The following NUMB variants were observed in gnomAD, a reference collection of about 807,000 sequenced individuals.
NUMB encodes NUMB endocytic adaptor protein, also known as protein numb homolog.
NUMB carries 29 observed loss-of-function variants against 59.7 expected under a neutral mutation model. The ratio of observed to expected loss-of-function variants is 0.49; its 90% CI spans 0.36 to 0.66. NUMB has a LOEUF of 0.66. Among genes scored for constraint, NUMB ranks in the 30% least tolerant of loss-of-function variants. The pLI, the probability that NUMB is intolerant of heterozygous loss-of-function variation, is 0.00. For synonymous variants in NUMB, 288 were observed against 288.2 expected, an observed-to-expected ratio of 1.00 and a Z score of 0.01; for missense variants, 723 against 822.0, an observed-to-expected ratio of 0.88 and a Z score of 1.47.
At chr14:73,427,765 C>T (rs777611405) in intron 1 of NUMB, among the ~76,000 whole-genome samples, 6 of 152,118 alleles carry the variant, frequency 3.9e-5, no homozygotes, top group Non-Finnish European at 7.3e-5. Context: ...TCTCTCACAT[C>T]CCTCGGTATT....
Position 73,276,394 on chromosome 14 carries a change from G to T in NUMB, c.*184C>A. 1.8e-6 allele frequency: 1 copy of T among 558,126 alleles called. No individual in the cohort carries two copies. The highest frequency in any genetic ancestry group is 3.1e-6 in the Non-Finnish European group (1 of 317,818). The allele number at this position is 558,126 out of a possible 1,614,324, so 34.6% of individuals were successfully genotyped here. ...TAATTGCAAGGCAGCTTTTCTCTAGGAATGCTTTTTCCCATGTCTTTCAAA... is the reference window on the plus strand; with the variant it reads ...TAATTGCAAGGCAGCTTTTCTCTAGTAATGCTTTTTCCCATGTCTTTCAAA... On this transcript the variant is annotated 3_prime_UTR_variant, in exon 13 of 13. Coordinates refer to ENST00000555238, the MANE Select transcript of NUMB (RefSeq NM_001005743.2).
chr14:73,440,642 G>A (rs887952028), intron 1 of NUMB, among the ~76,000 whole-genome samples: 1 of 151,272 alleles, frequency 6.6e-6, no homozygotes, highest in Non-Finnish European at 1.5e-5. Flanking sequence ...TCAGGAGATC[G>A]AGACCATCGA....
At chr14:73,350,860 T>C (rs866262177) in intron 4 of NUMB, among the ~76,000 whole-genome samples, 3 of 152,186 alleles carry the variant, frequency 2.0e-5, no homozygotes, top group Non-Finnish European at 4.4e-5. Flanking sequence ...GATCAATTTA[T>C]TTCATTTCTC....
At chr14:73,372,238 A>G (rs979547646) in intron 2 of NUMB, among the ~76,000 whole-genome samples, 7 of 149,320 alleles carry the variant, frequency 4.7e-5, no homozygotes, top group Non-Finnish European at 1.0e-4. Flanking sequence ...ATCTCAAAAA[A>G]AAAGAGGTGA....
chr14:73,287,951 C>A (rs1889126056), intron 8 of NUMB, among the ~76,000 whole-genome samples: 1 of 152,134 alleles, frequency 6.6e-6, no homozygotes, highest in African/African-American at 2.4e-5. Context: ...CCTTGACATG[C>A]AAGCTTCTAG....
chr14:73,442,213 G>T (rs199721064), intron 1 of NUMB, among the ~76,000 whole-genome samples: 1 of 135,158 alleles, frequency 7.4e-6, no homozygotes. Flanking sequence ...AAAAAAGAAA[G>T]AAAAAAAAAA....
At chr14:73,351,993 A>T (rs1031918857) in intron 4 of NUMB, among the ~76,000 whole-genome samples, 18 of 151,522 alleles carry the variant, frequency 1.2e-4, no homozygotes, top group South Asian at 2.1e-4. Context: ...AAAATAAAAT[A>T]AAAATAAAAT....
intron 1 of NUMB, among the ~76,000 whole-genome samples, chr14:73,425,142 C>T (rs928192480): frequency 6.6e-6 from 1 of 150,384 alleles, no homozygotes; most frequent in African/African-American, 2.5e-5. Flanking sequence ...TCTATGGTGT[C>T]TCTATGACAT....
chr14:73,277,359 G>C, intron 12 of NUMB, 66 bp from the exon 13 acceptor site: 8 of 1,266,384 alleles, frequency 6.3e-6, no homozygotes, highest in Middle Eastern at 4.2e-4. Context: ...TTATAATCTT[G>C]GTTATTTGAA....
chr14:73,386,717 T>C (rs1397822458), intron 2 of NUMB, among the ~76,000 whole-genome samples: 1 of 152,120 alleles, frequency 6.6e-6, no homozygotes, highest in Admixed American at 6.6e-5. Context: ...TTCTATATAG[T>C]GAAGTCTAAA....
intron 4 of NUMB, among the ~76,000 whole-genome samples, chr14:73,353,086 T>C (rs1267495620): frequency 5.4e-5 from 6 of 110,280 alleles, no homozygotes; most frequent in Admixed American, 2.9e-4. Context: ...TTTTTTTTTT[T>C]TTTTTTTTTT....
intron 2 of NUMB, among the ~76,000 whole-genome samples, chr14:73,384,981 C>T (rs2140085248): frequency 6.7e-6 from 1 of 148,802 alleles, no homozygotes; most frequent in Non-Finnish European, 1.5e-5. Context: ...GTAACCTCTG[C>T]CTCCCAGGTT....
intron 2 of NUMB, among the ~76,000 whole-genome samples, chr14:73,375,224 T>C (rs1182507143): frequency 6.6e-6 from 1 of 152,230 alleles, no homozygotes; most frequent in East Asian, 1.9e-4. Flanking sequence ...AAATTGAGTT[T>C]GTTTGCACCC....
At chr14:73,432,397 T>C (rs1176537376) in intron 1 of NUMB, among the ~76,000 whole-genome samples, 2 of 152,088 alleles carry the variant, frequency 1.3e-5, no homozygotes, top group East Asian at 3.9e-4. Context: ...AAGATCCTCA[T>C]TGAAATGAGA....
rs1261307893 is a variant in NUMB at position 73,328,286 on chromosome 14, A to AAG, written c.127-5083_127-5082insCT. 1.9e-4 allele frequency among the ~76,000 whole-genome samples: 28 copies of AAG among 150,800 alleles called. No individual in the cohort carries two copies. In the East Asian group the frequency reaches 1.9e-3, roughly 10 times the overall value. Reference sequence around the variant, plus strand: ...CAAGACTCCATCTCAAAAAAAAAAAAAAGTCATATAAATGGAATCATACAG... The same window carrying AAG: ...CAAGACTCCATCTCAAAAAAAAAAAAAGAAGTCATATAAATGGAATCATACAG... On this transcript the variant is annotated intron_variant, in intron 4 of 12. Transcript: ENST00000555238.
chr14:73,355,684 T>G lies in NUMB; in HGVS notation c.68A>C (p.His23Pro), dbSNP rs778980699. ...DVYVPEASRPHQWQTDEEGVR... is the reference protein window; with the variant it reads ...DVYVPEASRPPQWQTDEEGVR... ...GCCTTCTTCATCTGTCTGCCACTGA[T>G]GTGGACGACTGGCCTCTGGAACATA... Residue 23 changes from histidine to proline, a missense_variant, in exon 4 of 13, where the codon CAT becomes CCT. By Grantham distance (77) the His-to-Pro change is moderately conservative (BLOSUM62 -2). Transcript: ENST00000555238. The G allele has an allele frequency of 6.2e-7, 1 of 1,613,554 alleles. No individual in the cohort carries two copies. The highest frequency in any genetic ancestry group is 2.2e-5 in the East Asian group (1 of 44,872).
At chr14:73,361,552 C>T (rs1384479398) in intron 3 of NUMB, among the ~76,000 whole-genome samples, 2 of 151,688 alleles carry the variant, frequency 1.3e-5, no homozygotes, top group Non-Finnish European at 2.9e-5. Context: ...CATATTATTT[C>T]AACACCCAGG....
In NUMB at chr14:73,357,073, AT is replaced by A. The variant is rs1893827320; in HGVS notation, c.-15-1308del. The A allele has an allele frequency of 1.1e-5, 10 of 902,730 alleles. No homozygotes were observed. The South Asian group carries it at 4.1e-4, about 37-fold the overall frequency. 55.9% of individuals were successfully genotyped at this position (902,730 alleles called of 1,614,324 possible). On this transcript the variant is annotated intron_variant, in intron 3 of 12. Transcript: ENST00000555238. ...TAATCATTATAGTAACATAAAAAAA[AT>A]GACAAAGGTACAAGTTTCATTATCA...
chr14:73,420,151 G>A (rs1464514284), intron 1 of NUMB, among the ~76,000 whole-genome samples: 1 of 152,168 alleles, frequency 6.6e-6, no homozygotes, highest in East Asian at 1.9e-4. Flanking sequence ...GTGAGCCACG[G>A]CACCCAGCCC....
Sources: allele counts gnomAD v4.1 joint callset (sites outside exome capture counted in the v4.1 genomes callset), GRCh38; gene constraint gnomAD v4.1.1; transcripts MANE v1.5; gene names NCBI Gene and HGNC (gene_info 2026-07-23, HGNC 2026-07-21).